The following GSDMC variants were observed in gnomAD, a reference collection of about 807,000 sequenced individuals.
The protein encoded by GSDMC is gasdermin C.
In GSDMC, 59 loss-of-function variants were observed where a neutral mutation model predicts 58.0. The observed-to-expected ratio is 1.02, with a 90% CI of 0.82 to 1.26. The LOEUF is 1.26. Ranked by LOEUF, GSDMC falls within the 50% of genes most tolerant of loss-of-function variation. The pLI, the probability that GSDMC is intolerant of heterozygous loss-of-function variation, is 0.00. For synonymous variants in GSDMC, 241 were observed against 220.2 expected, an observed-to-expected ratio of 1.09 and a Z score of -0.83; for missense variants, 659 against 598.5, an observed-to-expected ratio of 1.10 and a Z score of -1.06.
the GSDMC span, among the ~76,000 whole-genome samples, chr8:129,727,023 C>T: frequency 1.6e-3 from 242 of 150,292 alleles, 2 homozygotes; most frequent in African/African-American, 5.1e-3. Context: ...CACACACACA[C>T]ACCTATTCAC....
At chr8:129,772,288 C>A (rs73406828) in intron 3 of GSDMC, among the ~76,000 whole-genome samples, 1 of 146,532 alleles carries the variant, frequency 6.8e-6, no homozygotes, top group African/African-American at 2.5e-5. Flanking sequence ...AAGATTAGAG[C>A]AGAATAAATT....
chr8:129,715,736 C>A, the GSDMC span, among the ~76,000 whole-genome samples: 1 of 152,040 alleles, frequency 6.6e-6, no homozygotes, highest in African/African-American at 2.4e-5. Flanking sequence ...TGTGGATCTA[C>A]GCAGTTGAAA....
intron 1 of GSDMC, among the ~76,000 whole-genome samples, chr8:129,785,506 G>A (rs1306890425): frequency 1.3e-5 from 2 of 151,818 alleles, no homozygotes; most frequent in African/African-American, 4.8e-5. Context: ...GCACAACAGG[G>A]TGACTATAGT....
At chr8:129,760,408 G>T (rs2033612392) in intron 6 of GSDMC, 137 bp downstream of exon 6, 2 of 515,626 alleles carry the variant, frequency 3.9e-6, no homozygotes, top group East Asian at 6.2e-5. Flanking sequence ...TTGAGAAGAT[G>T]AATACTCCAT....
chr8:129,755,871 G>GACACAGAAAACAAAAAGCAAAAA (rs2033408028), intron 6 of GSDMC, among the ~76,000 whole-genome samples: 1 of 148,284 alleles, frequency 6.7e-6, no homozygotes, highest in Non-Finnish European at 1.5e-5. Context: ...ACTTACAATG[G>GACACAGAAAACAAAAAGCAAAAA]ACACAGAAAA....
At chr8:129,733,141 G>A in the GSDMC span, among the ~76,000 whole-genome samples, 1 of 152,238 alleles carries the variant, frequency 6.6e-6, no homozygotes, top group Non-Finnish European at 1.5e-5. Context: ...GCTTGAGTAG[G>A]TAAACAAAGC....
At chr8:129,712,733 TAACTGGACAGATGATAAATA>T in the GSDMC span, among the ~76,000 whole-genome samples, 1 of 152,222 alleles carries the variant, frequency 6.6e-6, no homozygotes, top group Non-Finnish European at 1.5e-5. Flanking sequence ...AGTTACCAGA[TAACTGGACAGATGATAAATA>T]TTAGACAGGC....
downstream of GSDMC, among the ~76,000 whole-genome samples, chr8:129,747,271 AT>A (rs2032983467): frequency 1.4e-5 from 2 of 143,656 alleles, no homozygotes; most frequent in Non-Finnish European, 3.0e-5. Flanking sequence ...AAAAAAAAAA[AT>A]TTGATAAAGA....
chr8:129,775,821 CT>C (rs1200668655), intron 3 of GSDMC, among the ~76,000 whole-genome samples: 1 of 152,158 alleles, frequency 6.6e-6, no homozygotes, highest in East Asian at 1.9e-4. Flanking sequence ...ATGTAAGCTG[CT>C]TTATGACAGG....
At chr8:129,726,916 C>A in the GSDMC span, among the ~76,000 whole-genome samples, 2 of 151,828 alleles carry the variant, frequency 1.3e-5, no homozygotes, top group African/African-American at 4.8e-5. Context: ...ATATAAATGA[C>A]CAGAATAGTG....
chr8:129,780,420 A>G (rs530728013), intron 1 of GSDMC, among the ~76,000 whole-genome samples: 1 of 152,038 alleles, frequency 6.6e-6, no homozygotes, highest in Admixed American at 6.5e-5. Context: ...AACAAACAAT[A>G]AAATTCCAAT....
chr8:129,759,528 A>G (rs1308168620), intron 6 of GSDMC, among the ~76,000 whole-genome samples: 1 of 152,198 alleles, frequency 6.6e-6, no homozygotes, highest in Non-Finnish European at 1.5e-5. Flanking sequence ...AATAAATCTA[A>G]TAATCTGATT....
At chr8:129,770,166 T>A (rs2034001114) in intron 3 of GSDMC, among the ~76,000 whole-genome samples, 1 of 152,232 alleles carries the variant, frequency 6.6e-6, no homozygotes, top group African/African-American at 2.4e-5. Context: ...GAAGTAAAGC[T>A]ATAATGCTTT....
chr8:129,767,261 A>AGCCT (rs2130483113), intron 3 of GSDMC, among the ~76,000 whole-genome samples: 1 of 152,190 alleles, frequency 6.6e-6, no homozygotes, highest in South Asian at 2.1e-4. Context: ...AACTCTGCCC[A>AGCCT]GCCTCAGGGC....
At chr8:129,735,705 G>A in the GSDMC span, among the ~76,000 whole-genome samples, 1 of 152,152 alleles carries the variant, frequency 6.6e-6, no homozygotes, top group African/African-American at 2.4e-5. Context: ...GAGAAAGCAG[G>A]CAAGATCTAA....
the GSDMC span, among the ~76,000 whole-genome samples, chr8:129,723,990 G>T: frequency 1.3e-5 from 2 of 152,158 alleles, no homozygotes; most frequent in Non-Finnish European, 2.9e-5. Flanking sequence ...TAATATGTGG[G>T]CACAAAAGCT....
chr8:129,724,451 A>C, the GSDMC span, among the ~76,000 whole-genome samples: 56,247 of 151,904 alleles, frequency 0.37, 14,096 homozygotes, highest in East Asian at 0.71. Flanking sequence ...TACAATAACA[A>C]TTTGTTTGCA....
chr8:129,740,239 A>G, the GSDMC span, among the ~76,000 whole-genome samples: 1 of 152,300 alleles, frequency 6.6e-6, no homozygotes, highest in African/African-American at 2.4e-5. Flanking sequence ...TCATTGTTGA[A>G]GAAAGAAAAA....
At chr8:129,743,111 T>C in the GSDMC span, among the ~76,000 whole-genome samples, 4 of 152,180 alleles carry the variant, frequency 2.6e-5, no homozygotes, top group African/African-American at 4.8e-5. Context: ...CTTATCCTGT[T>C]CAGAGTTCAC....
Sources: gnomAD v4.1 joint callset for allele counts (sites outside exome capture counted in the v4.1 genomes callset) on GRCh38, gnomAD v4.1.1 for gene constraint, MANE v1.5 for transcripts, NCBI Gene and HGNC (gene_info 2026-07-23, HGNC 2026-07-21) for gene names.